Variants in NEDD9 observed in about 807,000 individuals in gnomAD.
The protein encoded by NEDD9 is neural precursor cell expressed, developmentally down-regulated 9.
NEDD9 carries 26 observed loss-of-function variants against 76.6 expected under a neutral mutation model. That is an observed-to-expected ratio of 0.34 (90% confidence interval 0.25 to 0.47). The LOEUF is 0.47. Among genes scored for constraint, NEDD9 ranks in the 20% least tolerant of loss-of-function variants. The pLI, the probability that NEDD9 is intolerant of heterozygous loss-of-function variation, is 1.00. For synonymous variants in NEDD9, 392 were observed against 414.2 expected (o/e 0.95, Z 0.65); for missense variants, 937 against 1,058.5 (o/e 0.89, Z 1.59).
intron 2 of NEDD9, among the ~76,000 whole-genome samples, chr6:11,195,218 A>G (rs932514739): frequency 6.6e-6 from 1 of 152,174 alleles, no homozygotes; most frequent in East Asian, 1.9e-4. Context: ...TAGTGCTTAC[A>G]ACTGATTGTT....
upstream of NEDD9, among the ~76,000 whole-genome samples, chr6:11,234,784 C>G (rs865968867): frequency 1.3e-5 from 2 of 149,526 alleles, no homozygotes; most frequent in Non-Finnish European, 3.0e-5. Flanking sequence ...GGTGCAATAT[C>G]GGCTCACTGC....
intron 3 of NEDD9, among the ~76,000 whole-genome samples, chr6:11,245,903 T>C (rs1252966703): frequency 6.6e-6 from 1 of 152,188 alleles, no homozygotes; most frequent in African/African-American, 2.4e-5. Context: ...ATAAGTCTAG[T>C]AAACAATAAT....
intron 3 of NEDD9, among the ~76,000 whole-genome samples, chr6:11,291,272 T>TTTTTTTTTTTTTTTTG (rs1760761108): frequency 2.2e-5 from 3 of 138,272 alleles, no homozygotes; most frequent in African/African-American, 8.7e-5. Flanking sequence ...ATGAGGTTTT[T>TTTTTTTTTTTTTTTTG]TTTTTTTTTT....
At chr6:11,234,388 C>T (rs1314462112), upstream of NEDD9, among the ~76,000 whole-genome samples, 2 of 152,186 alleles carry the variant, frequency 1.3e-5, no homozygotes, top group African/African-American at 4.8e-5. Flanking sequence ...AGATAACATT[C>T]CTTTGGCTTC....
intron 2 of NEDD9, among the ~76,000 whole-genome samples, chr6:11,313,596 A>G (rs1054906312): frequency 1.3e-5 from 2 of 150,820 alleles, no homozygotes; most frequent in Non-Finnish European, 1.5e-5. Flanking sequence ...GGGTGGGTGA[A>G]TGGAAGGATG....
intron 1 of NEDD9, among the ~76,000 whole-genome samples, chr6:11,346,281 C>T (rs1762362114): frequency 2.0e-5 from 3 of 152,146 alleles, no homozygotes; most frequent in African/African-American, 7.2e-5. Flanking sequence ...GGGTTTTGTT[C>T]TGCACTAGGT....
intron 1 of NEDD9, among the ~76,000 whole-genome samples, chr6:11,218,136 C>A (rs966929789): frequency 3.9e-5 from 6 of 152,310 alleles, no homozygotes; most frequent in Admixed American, 3.9e-4. Context: ...TTCTGCATTC[C>A]AGTCCCTTAT....
intron 1 of NEDD9, among the ~76,000 whole-genome samples, chr6:11,223,043 C>T (rs1019955406): frequency 9.2e-5 from 14 of 152,118 alleles, no homozygotes; most frequent in African/African-American, 3.4e-4. Flanking sequence ...TGCATGCACA[C>T]GTGTGTTACT....
upstream of NEDD9, among the ~76,000 whole-genome samples, chr6:11,237,247 T>C (rs1759622660): frequency 6.6e-6 from 1 of 152,350 alleles, no homozygotes; most frequent in South Asian, 2.1e-4. The surrounding 1 kb of genome is among the most constrained non-coding windows in gnomAD (Gnocchi z 4.9). Context: ...AGCTCCGATG[T>C]GTGTTCTTGG....
intron 2 of NEDD9, chr6:11,201,123 T>C (rs2113736553): frequency 6.4e-7 from 1 of 1,553,862 alleles, no homozygotes; most frequent in East Asian, 2.2e-5. Context: ...GCAAGTCTCC[T>C]TGGGGGCACT....
At chr6:11,261,845 C>T (rs1022085545) in intron 3 of NEDD9, among the ~76,000 whole-genome samples, 1 of 152,134 alleles carries the variant, frequency 6.6e-6, no homozygotes, top group African/African-American at 2.4e-5. Flanking sequence ...AGCACTTCGG[C>T]CCAGCGGTGA....
At chr6:11,326,928 C>T (rs1192676423) in intron 2 of NEDD9, among the ~76,000 whole-genome samples, 1 of 152,100 alleles carries the variant, frequency 6.6e-6, no homozygotes, top group East Asian at 1.9e-4. Flanking sequence ...ATTTTGAGAA[C>T]CAGGAAAAAG....
At chr6:11,368,469 G>A (rs1346540411) in intron 1 of NEDD9, among the ~76,000 whole-genome samples, 2 of 151,994 alleles carry the variant, frequency 1.3e-5, no homozygotes, top group Non-Finnish European at 2.9e-5. Context: ...ACAAATGATC[G>A]CCATGGTTTT....
At chr6:11,267,564 A>AT (rs2113335792) in intron 3 of NEDD9, among the ~76,000 whole-genome samples, 1 of 152,344 alleles carries the variant, frequency 6.6e-6, no homozygotes, top group South Asian at 2.1e-4. Flanking sequence ...TGTTGGAGAC[A>AT]TTGGTTTTCA....
At chr6:11,367,720 A>G (rs1224837185) in intron 1 of NEDD9, among the ~76,000 whole-genome samples, 1 of 152,184 alleles carries the variant, frequency 6.6e-6, no homozygotes, top group African/African-American at 2.4e-5. Context: ...GTTCCTGTCT[A>G]ATGTTTAACT....
Position 11,365,149 on chromosome 6 carries a change from G to C in NEDD9, c.-214+16990C>G, listed in dbSNP as rs112355852. On this transcript the variant is annotated intron_variant, in intron 1 of 3. Transcript: ENST00000397378. ...TGACAAACAGAGTACTTAATGTTCT[G>C]TTTGTTGAAATCATTTCTCAATCAC... Among the ~76,000 whole-genome samples the C allele has an allele frequency of 2.7e-3, 414 of 152,286 alleles. 2 individuals are homozygous for C. Among genetic ancestry groups the C allele is most frequent in the African/African-American group, 9.7e-3 (402 of 41,550 alleles).
At chr6:11,244,990 C>A (rs530237546) in intron 3 of NEDD9, among the ~76,000 whole-genome samples, 1 of 152,192 alleles carries the variant, frequency 6.6e-6, no homozygotes, top group Non-Finnish European at 1.5e-5. Flanking sequence ...TGCTGACTAA[C>A]CCTCTACTGG....
Position 11,224,901 on chromosome 6 carries a change from C to T in NEDD9, c.12+7603G>A, listed in dbSNP as rs1759259947. On this transcript the variant is annotated intron_variant, in intron 1 of 6. Transcript: ENST00000379446. ...CTGTCATGAATCACTGAGATTAAGG[C>T]TAACTCATAGTTACCAAGAGATAGC... is the stretch of plus-strand genomic sequence containing the variant. Among the ~76,000 whole-genome samples, 3 of 152,166 alleles carry T rather than the reference C, an allele frequency of 2.0e-5. No individual in the cohort carries two copies. The South Asian group carries it at 6.2e-4, about 32-fold the overall frequency.
chr6:11,339,223 A>G (rs1762225673), intron 1 of NEDD9, among the ~76,000 whole-genome samples: 1 of 152,202 alleles, frequency 6.6e-6, no homozygotes, highest in Non-Finnish European at 1.5e-5. Flanking sequence ...TCACTTTATT[A>G]TAAACATTGG....
Sources: allele counts gnomAD v4.1 joint callset (sites outside exome capture counted in the v4.1 genomes callset), GRCh38; gene constraint gnomAD v4.1.1; non-coding constraint Gnocchi (gnomAD v3.1); transcripts MANE v1.5; gene names NCBI Gene and HGNC (gene_info 2026-07-23, HGNC 2026-07-21).